PRH1: variants seen among roughly 807,000 people sequenced by gnomAD.
PRH1 encodes the protein salivary acidic proline-rich phosphoprotein 1/2.
In PRH1, 7 loss-of-function variants were observed where a neutral mutation model predicts 7.9. The observed-to-expected ratio is 0.89, with a 90% CI of 0.50 to 1.67. The LOEUF (loss-of-function observed/expected upper bound fraction) is 1.67. Ranked by LOEUF, PRH1 falls within the 40% of genes most tolerant of loss-of-function variation. The probability of loss-of-function intolerance (pLI) is 0.00; values close to 1 mark genes in which losing one functional copy is unlikely to be tolerated. For missense variants in PRH1, 109 were observed against 223.6 expected, an observed-to-expected ratio of 0.49 and a Z score of 3.27; for synonymous variants, 45 against 80.8, an observed-to-expected ratio of 0.56 and a Z score of 2.38.
At chr12:10,909,351 C>T (rs528117363) in intron 2 of PRH1, 2 of 1,292,980 alleles carry the variant, frequency 1.5e-6, no homozygotes, top group East Asian at 2.4e-5. Context: ...ATTCACTGAT[C>T]TAAAATGCTA....
chr12:10,955,653 T>C (rs28795379), intron 2 of PRH1, among the ~76,000 whole-genome samples: 12 of 151,846 alleles, frequency 7.9e-5, no homozygotes, highest in African/African-American at 2.9e-4. Context: ...TTGATGTTTT[T>C]AAAAAATTAA....
rs752856222 is a variant in PRH1 at position 11,061,729 on chromosome 12, G to C, written n.124-14541C>G. ...CAGCAGAAAAGATATCAGGGTCAGA[G>C]TGAAGGGAACTAAGTTTGCTAGGAT... On this transcript the variant is annotated intron_variant and non_coding_transcript_variant, in intron 1 of 4. Transcript: ENST00000541977. The C allele has an allele frequency of 1.9e-6, 3 of 1,614,154 alleles. No homozygotes were observed. The South Asian group carries it at 3.3e-5, about 18-fold the overall frequency.
At chr12:11,119,308 A>G (rs1945823429), downstream of PRH1, among the ~76,000 whole-genome samples, 1 of 72,228 alleles carries the variant, frequency 1.4e-5, no homozygotes, top group African/African-American at 3.6e-5. Flanking sequence ...TGGCTGGTTA[A>G]TGGCTACCAA....
chr12:11,140,757 A>G (rs141377110), intron 1 of PRH1, among the ~76,000 whole-genome samples: 2 of 152,212 alleles, frequency 1.3e-5, no homozygotes, highest in Non-Finnish European at 2.9e-5. Flanking sequence ...TCACCTCTCC[A>G]TAATTTGTTT....
chr12:11,168,722 G>C (rs1374913281), intron 1 of PRH1, among the ~76,000 whole-genome samples: 33 of 152,132 alleles, frequency 2.2e-4, no homozygotes, highest in Non-Finnish European at 2.9e-5. Context: ...AATCAAATCT[G>C]CTATAAAAGC....
intron 2 of PRH1, among the ~76,000 whole-genome samples, chr12:10,894,093 T>C (rs986642708): frequency 2.0e-5 from 3 of 152,152 alleles, no homozygotes; most frequent in Non-Finnish European, 4.4e-5. Context: ...TATTTGTTAC[T>C]ATCGTCTTGG....
intron 1 of PRH1, among the ~76,000 whole-genome samples, chr12:11,065,745 A>T (rs1389916460): frequency 6.6e-6 from 1 of 152,210 alleles, no homozygotes; most frequent in Admixed American, 6.6e-5. Flanking sequence ...CACACCTGAC[A>T]TGAAAATTGT....
chr12:11,082,276 G>A lies in PRH1; in HGVS notation n.124-35088C>T, dbSNP rs1442151817. On this transcript the variant is annotated intron_variant and non_coding_transcript_variant, in intron 1 of 4. Transcript: ENST00000541977. ...AAAAGCATTAGAGTTAAGGTTGGTG[G>A]GAGAACACTATTATTCTTCCTCATA... is the stretch of plus-strand genomic sequence containing the variant. Among the ~76,000 whole-genome samples the A allele has an allele frequency of 1.7e-5, 2 of 114,758 alleles. 1 individual carries two copies. Among genetic ancestry groups the A allele is most frequent in the Non-Finnish European group, 4.1e-5 (2 of 48,526 alleles). The allele number at this position is 114,758 out of a possible 152,430, so 75.3% of individuals were successfully genotyped here.
chr12:11,086,690 C>A (rs78434360), intron 1 of PRH1, among the ~76,000 whole-genome samples: 1 of 117,072 alleles, frequency 8.5e-6, no homozygotes, highest in East Asian at 2.1e-4. Flanking sequence ...GAGGCAGGTG[C>A]ATCACCTGAG....
intron 2 of PRH1, among the ~76,000 whole-genome samples, chr12:10,936,684 C>G (rs1565483154): frequency 6.6e-6 from 1 of 152,144 alleles, no homozygotes; most frequent in South Asian, 2.1e-4. Context: ...AATCATACAT[C>G]ATTGTGTTTT....
intron 2 of PRH1, among the ~76,000 whole-genome samples, chr12:10,902,749 A>G (rs1176378176): frequency 5.3e-5 from 8 of 152,276 alleles, no homozygotes; most frequent in Admixed American, 5.2e-4. Context: ...TTTTCCAACC[A>G]ATAATTGTAT....
chr12:11,131,276 T>C (rs948080245), intron 1 of PRH1, among the ~76,000 whole-genome samples: 1 of 150,938 alleles, frequency 6.6e-6, no homozygotes, highest in African/African-American at 2.4e-5. Flanking sequence ...AGTGCATGCA[T>C]CTGATGACCA....
At chr12:10,916,728 C>A (rs1949976987) in intron 2 of PRH1, among the ~76,000 whole-genome samples, 1 of 151,798 alleles carries the variant, frequency 6.6e-6, no homozygotes, top group Non-Finnish European at 1.5e-5. Context: ...AAAAGTGCCA[C>A]AGAAATGGAT....
chr12:10,911,896 T>C (rs1476217475), intron 2 of PRH1, among the ~76,000 whole-genome samples: 2 of 152,160 alleles, frequency 1.3e-5, no homozygotes, highest in Non-Finnish European at 2.9e-5. Context: ...TCACAACCCC[T>C]ATCTTCATTC....
intron 1 of PRH1, among the ~76,000 whole-genome samples, chr12:11,097,929 G>A (rs561890215): frequency 2.1e-5 from 2 of 95,914 alleles, no homozygotes; most frequent in South Asian, 3.2e-4. Context: ...ATTTCATCAA[G>A]AATAATGTAA....
At chr12:11,159,255 A>G (rs974461848) in intron 1 of PRH1, 1 of 151,990 alleles carries the variant, frequency 6.6e-6, no homozygotes, top group Non-Finnish European at 1.5e-5. Flanking sequence ...GGCATTGGAC[A>G]TAAAAAGGTA....
intron 1 of PRH1, among the ~76,000 whole-genome samples, chr12:11,101,152 T>C (rs932676377): frequency 1.3e-5 from 2 of 152,140 alleles, no homozygotes; most frequent in African/African-American, 4.8e-5. Context: ...AGAAAGTGGA[T>C]TAACAATTCT....
In PRH1 at chr12:11,027,073, T is replaced by C. The variant is rs576027045; in HGVS notation, c.-126+19947A>G. Among the ~76,000 whole-genome samples the C allele has an allele frequency of 1.2e-4, 18 of 152,334 alleles. No homozygotes were observed. The South Asian group carries it at 3.7e-3, about 32-fold the overall frequency. ...TGAGCCCAGGATTTTGAGACCAGCCTGGGTAACACTGTGAAATCCTAGCCC... is the reference window on the plus strand; with the variant it reads ...TGAGCCCAGGATTTTGAGACCAGCCCGGGTAACACTGTGAAATCCTAGCCC... On this transcript the variant is annotated intron_variant, in intron 1 of 3. Transcript: ENST00000539853.
chr12:11,124,689 TTTA>T (rs1272963077), intron 1 of PRH1, among the ~76,000 whole-genome samples: 3 of 152,218 alleles, frequency 2.0e-5, no homozygotes, highest in East Asian at 1.9e-4. Flanking sequence ...AAATAAATCA[TTTA>T]ATAAGATAGA....
Sources: gnomAD v4.1 joint callset for allele counts (sites outside exome capture counted in the v4.1 genomes callset) on GRCh38, gnomAD v4.1.1 for gene constraint, MANE v1.5 for transcripts, NCBI Gene and HGNC (gene_info 2026-07-23, HGNC 2026-07-21) for gene names.